PTPRD: variants seen among roughly 807,000 people sequenced by gnomAD.
The protein encoded by PTPRD is receptor-type tyrosine-protein phosphatase delta.
Under a neutral mutation model 214.5 loss-of-function variants are expected in PTPRD, and 34 were observed. That is an observed-to-expected ratio of 0.16 (90% CI 0.12 to 0.21). The LOEUF (loss-of-function observed/expected upper bound fraction) is 0.21, where lower values mean the gene tolerates loss of function less well. Among genes scored for constraint, PTPRD ranks in the 10% least tolerant of loss-of-function variants. PTPRD has a pLI of 1.00. For synonymous variants in PTPRD, 1,128 were observed against 845.7 expected (o/e 1.33, Z -5.79); for missense variants, 2,545 against 2,398.7 (o/e 1.06, Z -1.27).
chr9:9,915,052 G>T (rs1438517720), intron 5 of PTPRD, among the ~76,000 whole-genome samples: 1 of 152,104 alleles, frequency 6.6e-6, no homozygotes, highest in East Asian at 1.9e-4. Context: ...CCAACTTTCA[G>T]CAAAGCCTCG....
intron 2 of PTPRD, among the ~76,000 whole-genome samples, chr9:10,469,214 G>C (rs963550916): frequency 6.6e-6 from 1 of 152,082 alleles, no homozygotes; most frequent in Non-Finnish European, 1.5e-5. Context: ...CTTCAGTTAT[G>C]AAGTAGACCC....
chr9:9,957,883 G>GA lies in PTPRD; in HGVS notation c.-471-19274dup, dbSNP rs112178494. On this transcript the variant is annotated intron_variant, in intron 4 of 45. Transcript: ENST00000381196. ...AGATTAGCACTATAAGACAGGGTGA[G>GA]AAAAAAAAAAAAATTAGAAGAGCCC... Among the ~76,000 whole-genome samples, 865 of 139,226 alleles carry GA rather than the reference G, an allele frequency of 6.2e-3. 7 individuals are homozygous for GA. The highest frequency in any genetic ancestry group is 0.014 in the Middle Eastern group (4 of 278). 91.3% of individuals were successfully genotyped at this position (139,226 alleles called of 152,430 possible). A position where few individuals can be genotyped will look rare whatever the true frequency, so the allele number is the denominator to read the frequency against.
intron 11 of PTPRD, among the ~76,000 whole-genome samples, chr9:8,894,345 G>C (rs1423556133): frequency 1.0e-5 from 1 of 99,734 alleles, no homozygotes; most frequent in Non-Finnish European, 2.0e-5. Flanking sequence ...ACAAGAGTGA[G>C]ACTCCATCTC....
intron 10 of PTPRD, among the ~76,000 whole-genome samples, chr9:9,033,237 T>C (rs529620230): frequency 6.6e-6 from 1 of 152,232 alleles, no homozygotes; most frequent in African/African-American, 2.4e-5. Context: ...CAAGAATGTG[T>C]GACAGAGTTA....
chr9:8,719,945 G>T (rs971779341), intron 12 of PTPRD, among the ~76,000 whole-genome samples: 1 of 152,074 alleles, frequency 6.6e-6, no homozygotes, highest in Admixed American at 6.5e-5. Flanking sequence ...GCAGGTCTAA[G>T]ATTGTTCCTC....
At chr9:8,331,931 CCT>C (rs1564001552) in intron 43 of PTPRD, among the ~76,000 whole-genome samples, 195 bp from the exon 44 acceptor site, 6 of 36,988 alleles carry the variant, frequency 1.6e-4, no homozygotes, top group Middle Eastern at 0.037. Flanking sequence ...ACCTTTAAAT[CCT>C]AAATTTATTT....
intron 39 of PTPRD, among the ~76,000 whole-genome samples, chr9:8,360,550 G>A (rs2133864945): frequency 6.6e-6 from 1 of 152,230 alleles, no homozygotes; most frequent in Admixed American, 6.5e-5. Flanking sequence ...GATTGCTTTA[G>A]ATCTCTTCAT....
chr9:10,231,989 A>AGAGAGAGAGTGTGTGTGTGTGT (rs1245284728), intron 3 of PTPRD, among the ~76,000 whole-genome samples: 11 of 92,498 alleles, frequency 1.2e-4, no homozygotes, highest in African/African-American at 5.3e-4. Flanking sequence ...AGAGAGAGAG[A>AGAGAGAGAGTGTGTGTGTGTGT]GTGTGTGTGT....
chr9:9,035,497 A>G (rs888795486), intron 10 of PTPRD, among the ~76,000 whole-genome samples: 11 of 152,026 alleles, frequency 7.2e-5, no homozygotes, highest in Admixed American at 3.3e-4. Flanking sequence ...GCCTAACATC[A>G]GCTTGCGCCA....
At chr9:8,893,960 AG>A (rs1349960837) in intron 11 of PTPRD, among the ~76,000 whole-genome samples, 5 of 152,344 alleles carry the variant, frequency 3.3e-5, no homozygotes, top group African/African-American at 1.2e-4. Context: ...AAAATAGACA[AG>A]AAAAGATATA....
chr9:9,823,124 G>C (rs2153579006), intron 5 of PTPRD, among the ~76,000 whole-genome samples: 1 of 152,148 alleles, frequency 6.6e-6, no homozygotes, highest in African/African-American at 2.4e-5. Flanking sequence ...CATACATTCG[G>C]CCATTCTTGC....
chr9:8,481,201 CTG>C (rs1475130699), intron 30 of PTPRD, among the ~76,000 whole-genome samples: 1 of 146,054 alleles, frequency 6.8e-6, no homozygotes, highest in Admixed American at 6.8e-5. Context: ...TTATTTTACA[CTG>C]AATTTATTTT....
chr9:9,059,939 G>A (rs1040091666), intron 10 of PTPRD, among the ~76,000 whole-genome samples: 8 of 152,024 alleles, frequency 5.3e-5, no homozygotes, highest in Non-Finnish European at 7.4e-5. Flanking sequence ...ATTTATCAGT[G>A]GAAAGATTCA....
At chr9:9,374,780 C>A (rs2060359516) in intron 9 of PTPRD, among the ~76,000 whole-genome samples, 1 of 152,156 alleles carries the variant, frequency 6.6e-6, no homozygotes. Flanking sequence ...CCATCTTTGT[C>A]TTACATTGGG....
In PTPRD at chr9:9,089,101, C is replaced by T. The variant is rs149483157; in HGVS notation, c.-142-70366G>A. 3.8e-4 allele frequency among the ~76,000 whole-genome samples: 58 copies of T among 152,044 alleles called. 1 individual carries two copies. The East Asian group carries it at 0.01, about 27-fold the overall frequency. ...GACTTGCTAAAAAAGTCAACAAAACCCTTTAATGTGGCTGTGTTTAAGTGT... is the reference window on the plus strand; with the variant it reads ...GACTTGCTAAAAAAGTCAACAAAACTCTTTAATGTGGCTGTGTTTAAGTGT... On this transcript the variant is annotated intron_variant, in intron 10 of 45. Coordinates refer to ENST00000381196, the MANE Select transcript of PTPRD (RefSeq NM_002839.4).
At chr9:10,176,026 T>G (rs371267246) in intron 3 of PTPRD, among the ~76,000 whole-genome samples, 1 of 152,024 alleles carries the variant, frequency 6.6e-6, no homozygotes, top group African/African-American at 2.4e-5. Flanking sequence ...TGAAATGCAA[T>G]GTATTGTGAA....
chr9:9,652,490 A>G (rs897999143), intron 7 of PTPRD, among the ~76,000 whole-genome samples: 2 of 152,120 alleles, frequency 1.3e-5, no homozygotes, highest in African/African-American at 4.8e-5. Context: ...GACTACTATA[A>G]TTTCAATAGG....
At chr9:9,728,370 C>T (rs62534709) in intron 7 of PTPRD, among the ~76,000 whole-genome samples, 13,360 of 152,164 alleles carry the variant, frequency 0.088, 801 homozygotes, top group Non-Finnish European at 0.13. Flanking sequence ...AATTGAAATC[C>T]TTTTAATTCC....
chr9:10,300,863 CTGATAGCTCTGAAGAGAGCCA>C (rs2095842687), intron 3 of PTPRD, among the ~76,000 whole-genome samples: 1 of 152,098 alleles, frequency 6.6e-6, no homozygotes, highest in African/African-American at 2.4e-5. Context: ...ACATTCCTGC[CTGATAGCTCTGAAGAGAGCCA>C]TGGCTCTCCC....
Sources: allele counts gnomAD v4.1 joint callset (sites outside exome capture counted in the v4.1 genomes callset), GRCh38; gene constraint gnomAD v4.1.1; transcripts MANE v1.5; gene names NCBI Gene and HGNC (gene_info 2026-07-23, HGNC 2026-07-21).